PCDHGA1: variants seen among roughly 807,000 people sequenced by gnomAD.
PCDHGA1 encodes protocadherin gamma subfamily A, 1, also known as protocadherin gamma-A1.
PCDHGA1 carries 32 observed loss-of-function variants against 58.0 expected under a neutral mutation model. The observed-to-expected ratio is 0.55, with a 90% CI of 0.42 to 0.74. The LOEUF is 0.74. PCDHGA1 is among the 30% of genes least tolerant of loss of function. The pLI is 0.00. For missense variants in PCDHGA1, 1,205 were observed against 1,182.3 expected (o/e 1.02, Z -0.28); for synonymous variants, 498 against 501.1 (o/e 0.99, Z 0.08).
At chr5:141,387,607 AG>A in intron 1 of PCDHGA1, 2 of 547,806 alleles carry the variant, frequency 3.7e-6, no homozygotes, top group Non-Finnish European at 6.4e-6. Context: ...CAGAGGCTGT[AG>A]TTTCCTAGTG....
At chr5:141,420,725 C>T (rs1468308275) in intron 1 of PCDHGA1, among the ~76,000 whole-genome samples, 1 of 152,188 alleles carries the variant, frequency 6.6e-6, no homozygotes, top group African/African-American at 2.4e-5. Flanking sequence ...TCCTTTCAGT[C>T]GGTTAAAATC....
rs770354956 is a variant in PCDHGA1, at chr5:141,399,731, C to T, written c.2421+66626C>T. Reference sequence around the variant, plus strand: ...ACACTACAGGCCCGCGACCAGGGCTCGCCTGCGCTCAGCGCAAACGTGAGC... The same window carrying T: ...ACACTACAGGCCCGCGACCAGGGCTTGCCTGCGCTCAGCGCAAACGTGAGC... On this transcript the variant is annotated intron_variant, in intron 1 of 3. Transcript: ENST00000517417. 229 of 1,613,292 alleles carry T rather than the reference C, an allele frequency of 1.4e-4. No homozygotes were observed. The highest frequency in any genetic ancestry group is 1.8e-4 in the Non-Finnish European group (217 of 1,179,878).
rs377547144 is a variant in PCDHGA1, at chr5:141,409,030, G to A, written c.2421+75925G>A. The stretch of plus-strand genomic sequence containing the variant: ...ACCAGGATGAGGGGGTCAATGCTGA[G>A]ATAAACTACTACTTCCGAAGCACTG... On this transcript the variant is annotated intron_variant, in intron 1 of 3. Transcript: ENST00000517417. 9.9e-6 allele frequency: 16 copies of A among 1,613,892 alleles called. No homozygotes were observed. The African/African-American group carries it at 2.0e-4, about 20-fold the overall frequency.
At chr5:141,447,623 C>G (rs940221130) in intron 1 of PCDHGA1, among the ~76,000 whole-genome samples, 1 of 152,042 alleles carries the variant, frequency 6.6e-6, no homozygotes, top group African/African-American at 2.4e-5. Flanking sequence ...AAAGTTGAAA[C>G]CAACAGTATG....
At chr5:141,351,793 C>T (rs773058323) in intron 1 of PCDHGA1, 1 of 1,613,378 alleles carries the variant, frequency 6.2e-7, no homozygotes, top group South Asian at 1.1e-5. Flanking sequence ...GGGTGGTGTT[C>T]GCGCAGCGCG....
intron 1 of PCDHGA1, among the ~76,000 whole-genome samples, chr5:141,446,698 G>A (rs750413432): frequency 2.0e-5 from 3 of 152,186 alleles, no homozygotes; most frequent in Admixed American, 6.5e-5. Flanking sequence ...GGCTGGTCTC[G>A]AACTCTGATC....
intron 1 of PCDHGA1, among the ~76,000 whole-genome samples, chr5:141,451,854 C>T (rs1243479409): frequency 6.6e-6 from 1 of 152,058 alleles, no homozygotes; most frequent in Non-Finnish European, 1.5e-5. Flanking sequence ...CCACTCCAGC[C>T]TAGGCCACAG....
At chr5:141,364,706 A>G (rs1373538409) in intron 1 of PCDHGA1, 3 of 1,613,862 alleles carry the variant, frequency 1.9e-6, no homozygotes, top group Non-Finnish European at 2.5e-6. Context: ...AATAATCGAT[A>G]TTAATGATAA....
chr5:141,355,783 G>T, intron 1 of PCDHGA1: 2 of 1,613,802 alleles, frequency 1.2e-6, no homozygotes, highest in Non-Finnish European at 1.7e-6. Flanking sequence ...CCCAGAGCTG[G>T]TGCTGGAACG....
At chr5:141,364,723 G>C in intron 1 of PCDHGA1, 1 of 1,613,938 alleles carries the variant, frequency 6.2e-7, no homozygotes. Flanking sequence ...ATAACTTCCC[G>C]CGTTTCCGGG....
At chr5:141,389,719 C>A (rs371194042) in intron 1 of PCDHGA1, 62 of 1,612,570 alleles carry the variant, frequency 3.8e-5, no homozygotes, top group South Asian at 1.1e-5. Flanking sequence ...GCTAGCGAGC[C>A]CGGGCTCTTC....
chr5:141,481,085 A>T (rs1200522212), intron 1 of PCDHGA1, among the ~76,000 whole-genome samples: 1 of 152,192 alleles, frequency 6.6e-6, no homozygotes, highest in African/African-American at 2.4e-5. Flanking sequence ...AAGAAAAAAG[A>T]AAAGCAGTAC....
intron 1 of PCDHGA1, among the ~76,000 whole-genome samples, chr5:141,449,549 A>G (rs1431239786): frequency 6.8e-6 from 1 of 147,830 alleles, no homozygotes; most frequent in East Asian, 2.0e-4. Context: ...AGATCGCACC[A>G]CTGCACTCCA....
At position 141,362,557 on chromosome 5, in the gene PCDHGA1, G is replaced by T. The variant is rs760760208; in HGVS notation, c.2421+29452G>T. 7 of 1,611,836 alleles carry T rather than the reference G, an allele frequency of 4.3e-6. No individual in the cohort carries two copies. The Middle Eastern group carries it at 5.0e-4, about 114-fold the overall frequency. ...TTTTGCCTCAGATACTATTTTGAAG[G>T]TGAGCTTTAATTAATTTATTTTCAC... On this transcript the variant is annotated intron_variant, in intron 1 of 3. Transcript: ENST00000517417.
chr5:141,476,747 C>T lies in PCDHGA1; in HGVS notation c.2422-18060C>T. The T allele has an allele frequency of 6.2e-7, 1 of 1,614,066 alleles. No homozygotes were observed. The highest frequency in any genetic ancestry group is 8.5e-7 in the Non-Finnish European group (1 of 1,180,036). On this transcript the variant is annotated intron_variant, in intron 1 of 3. Transcript: ENST00000517417. This position sits in a 1 kb window ranked among gnomAD's most constrained non-coding sequence, Gnocchi z 7.6. The stretch of plus-strand genomic sequence containing the variant: ...GGACCGAGAACGGGAGCCTAGTCTC[C>T]AGTTAGTGCTGACGGCGTTGGACGG...
rs1207518184 is a variant in PCDHGA1 at position 141,352,338 on chromosome 5, C to T, written c.2421+19233C>T. 12 of 1,614,058 alleles carry T rather than the reference C, an allele frequency of 7.4e-6. No homozygotes were observed. In the Admixed American group the frequency reaches 8.3e-5, roughly 11 times the overall value. ...CAGTTTTACCTGGTTGTGGCCTTGGCCTTGATCTCAGTGCTCTTTCTCCTC... is the reference window on the plus strand; with the variant it reads ...CAGTTTTACCTGGTTGTGGCCTTGGTCTTGATCTCAGTGCTCTTTCTCCTC... On this transcript the variant is annotated intron_variant, in intron 1 of 3. Coordinates refer to ENST00000517417, the MANE Select transcript of PCDHGA1 (RefSeq NM_018912.3).
In PCDHGA1 at chr5:141,330,654, G is replaced by T; in HGVS notation, c.-31G>T. 1.3e-6 allele frequency: 2 copies of T among 1,575,662 alleles called. No homozygotes were observed. The highest frequency in any genetic ancestry group is 1.2e-5 in the South Asian group (1 of 84,684). On this transcript the variant is annotated 5_prime_UTR_variant, in exon 1 of 4. Transcript: ENST00000517417. ...AGCAGAAACGATACCCTTGGTACTGGACTGGAAGAAAACTACGAAGTGAGA... is the reference window on the plus strand; with the variant it reads ...AGCAGAAACGATACCCTTGGTACTGTACTGGAAGAAAACTACGAAGTGAGA...
chr5:141,333,271 A>G, intron 1 of PCDHGA1, 166 bp downstream of exon 1: 1 of 984,112 alleles, frequency 1.0e-6, no homozygotes, highest in Non-Finnish European at 1.5e-6. Flanking sequence ...GTTCATATGC[A>G]GGTATATTTA....
intron 1 of PCDHGA1, chr5:141,389,855 G>T: frequency 6.2e-7 from 1 of 1,614,060 alleles, no homozygotes; most frequent in Non-Finnish European, 8.5e-7. Context: ...CCACTGCCAC[G>T]TTGCACCTGG....
Sources: gnomAD v4.1 joint callset for allele counts (sites outside exome capture counted in the v4.1 genomes callset) on GRCh38, gnomAD v4.1.1 for gene constraint, Gnocchi (gnomAD v3.1) non-coding constraint, MANE v1.5 for transcripts, NCBI Gene and HGNC (gene_info 2026-07-23, HGNC 2026-07-21) for gene names.